FHIT: variants seen among roughly 807,000 people sequenced by gnomAD.
The protein encoded by FHIT is bis(5'-adenosyl)-triphosphatase.
A neutral mutation model predicts 17.9 loss-of-function variants in FHIT; 19 were observed. That is an observed-to-expected ratio of 1.06 (90% confidence interval 0.74 to 1.56). The LOEUF (loss-of-function observed/expected upper bound fraction) is 1.56, where lower values mean the gene tolerates loss of function less well. FHIT is among the 40% of genes most tolerant of loss of function. The pLI is 0.00. For synonymous variants in FHIT, 81 were observed against 69.7 expected (o/e 1.16, Z -0.81); for missense variants, 248 against 189.2 (o/e 1.31, Z -1.82).
chr3:60,173,281 T>C (rs911202740), intron 5 of FHIT, among the ~76,000 whole-genome samples: 1 of 152,142 alleles, frequency 6.6e-6, no homozygotes, highest in Non-Finnish European at 1.5e-5. Context: ...CAGGCACACC[T>C]GGGAAGAAGG....
intron 5 of FHIT, among the ~76,000 whole-genome samples, chr3:60,106,541 C>T (rs34908488): frequency 0.14 from 21,804 of 152,108 alleles, 2,015 homozygotes; most frequent in Non-Finnish European, 0.19. Context: ...CAATTAGGTT[C>T]GGTACCATCT....
intron 4 of FHIT, among the ~76,000 whole-genome samples, chr3:60,715,982 G>T (rs1318168853): frequency 6.6e-6 from 1 of 152,122 alleles, no homozygotes; most frequent in African/African-American, 2.4e-5. Flanking sequence ...TGAGCACGGT[G>T]GCTCATGCCT....
chr3:60,742,355 G>A (rs1288514931), intron 4 of FHIT, among the ~76,000 whole-genome samples: 1 of 152,124 alleles, frequency 6.6e-6, no homozygotes, highest in Admixed American at 6.5e-5. Context: ...AATCAAAAGA[G>A]ACATTGAGAC....
chr3:60,610,074 ACATT>A (rs1341001260), intron 4 of FHIT, among the ~76,000 whole-genome samples: 1 of 152,204 alleles, frequency 6.6e-6, no homozygotes, highest in Non-Finnish European at 1.5e-5. Flanking sequence ...TAAATAAACT[ACATT>A]ATTATTATAT....
chr3:60,915,412 T>A (rs1553766878), intron 3 of FHIT, among the ~76,000 whole-genome samples: 1 of 152,204 alleles, frequency 6.6e-6, no homozygotes, highest in African/African-American at 2.4e-5. Flanking sequence ...ATTACTAGTA[T>A]TTAACTTCTA....
At chr3:60,146,267 G>C (rs1014924374) in intron 5 of FHIT, among the ~76,000 whole-genome samples, 1 of 151,064 alleles carries the variant, frequency 6.6e-6, no homozygotes, top group Non-Finnish European at 1.5e-5. Context: ...AAAAGGGCAG[G>C]GGGTAGGAGG....
rs144338195 is a variant in FHIT, at chr3:60,605,946, C to G, written c.-17-68967G>C. On this transcript the variant is annotated intron_variant, in intron 4 of 9. Coordinates refer to ENST00000492590, the MANE Select transcript of FHIT (RefSeq NM_002012.4). ...AAAAACACTATAGTATCTGACTGCT[C>G]TGTCACAGATGAAAACCTTCAAAGA... Among the ~76,000 whole-genome samples the G allele has an allele frequency of 4.6e-3, 702 of 152,264 alleles. 5 individuals carry two copies. Among genetic ancestry groups the G allele is most frequent in the African/African-American group, 0.016 (676 of 41,546 alleles).
At chr3:59,939,803 C>T (rs1044223000) in intron 7 of FHIT, among the ~76,000 whole-genome samples, 1 of 152,106 alleles carries the variant, frequency 6.6e-6, no homozygotes, top group Non-Finnish European at 1.5e-5. Flanking sequence ...AGAGAAATGT[C>T]ACACCCTCAC....
chr3:59,917,904 G>C (rs1196542680), intron 8 of FHIT, among the ~76,000 whole-genome samples: 1 of 152,192 alleles, frequency 6.6e-6, no homozygotes, highest in Non-Finnish European at 1.5e-5. Context: ...GGTGGGAGGG[G>C]GCAAGTTAGT....
intron 1 of FHIT, among the ~76,000 whole-genome samples, chr3:61,244,358 A>T (rs953539139): frequency 5.3e-5 from 8 of 152,214 alleles, no homozygotes; most frequent in Non-Finnish European, 5.9e-5. Context: ...GAGGCCAGGT[A>T]CCTCGAATTC....
At chr3:60,240,013 A>G (rs2107571094) in intron 5 of FHIT, among the ~76,000 whole-genome samples, 1 of 152,332 alleles carries the variant, frequency 6.6e-6, no homozygotes, top group South Asian at 2.1e-4. Context: ...CAGGACTGCT[A>G]TCATAGGATT....
chr3:60,311,361 T>C (rs1047401698), intron 5 of FHIT, among the ~76,000 whole-genome samples: 34 of 152,216 alleles, frequency 2.2e-4, no homozygotes, highest in South Asian at 4.1e-4. Context: ...TGGACCCAAG[T>C]ACCATATTGG....
Position 61,096,718 on chromosome 3 carries a change from T to C in FHIT, c.-163-54619A>G, listed in dbSNP as rs930033058. ...TAGCAATGCCTGACAAAAGTAGATG[T>C]TCATGCTTTGTGCTAGAAGAGCATA... On this transcript the variant is annotated intron_variant, in intron 2 of 9. Transcript: ENST00000492590. Among the ~76,000 whole-genome samples the C allele has an allele frequency of 1.2e-4, 19 of 152,286 alleles. No homozygotes were observed. In the South Asian group the frequency reaches 2.3e-3, roughly 18 times the overall value.
chr3:61,098,373 T>A (rs560425443), intron 2 of FHIT, among the ~76,000 whole-genome samples: 1 of 152,264 alleles, frequency 6.6e-6, no homozygotes, highest in South Asian at 2.1e-4. Flanking sequence ...AGTTTGAAAT[T>A]GGGTAGCATG....
intron 5 of FHIT, among the ~76,000 whole-genome samples, chr3:60,029,928 T>TGTGTGTGTGTGTGTGA (rs56924673): frequency 2.1e-4 from 31 of 150,926 alleles, no homozygotes; most frequent in African/African-American, 7.6e-4. Flanking sequence ...TGTGTGTGTG[T>TGTGTGTGTGTGTGTGA]ACAAATGTGA....
At chr3:60,570,835 A>T (rs578156504) in intron 4 of FHIT, among the ~76,000 whole-genome samples, 6 of 151,724 alleles carry the variant, frequency 4.0e-5, no homozygotes, top group African/African-American at 1.5e-4. Context: ...ATTCACATCC[A>T]CTACTGTCAA....
At chr3:61,194,074 G>C (rs2038789103) in intron 2 of FHIT, among the ~76,000 whole-genome samples, 1 of 152,008 alleles carries the variant, frequency 6.6e-6, no homozygotes. Context: ...GGATCAGCAA[G>C]GCCTGACTAT....
intron 4 of FHIT, among the ~76,000 whole-genome samples, chr3:60,764,249 A>G (rs1309946213): frequency 9.5e-6 from 1 of 105,266 alleles, no homozygotes; most frequent in Non-Finnish European, 1.8e-5. Context: ...AGGAAAATGC[A>G]CACACACACA....
chr3:60,878,426 G>C (rs1394595074), intron 3 of FHIT, among the ~76,000 whole-genome samples: 2 of 151,968 alleles, frequency 1.3e-5, no homozygotes, highest in Non-Finnish European at 2.9e-5. Context: ...ATCAGAATAG[G>C]AGGACCCCAA....
Sources: gnomAD v4.1 joint callset for allele counts (sites outside exome capture counted in the v4.1 genomes callset) on GRCh38, gnomAD v4.1.1 for gene constraint, MANE v1.5 for transcripts, NCBI Gene and HGNC (gene_info 2026-07-23, HGNC 2026-07-21) for gene names.